Variants in ATP2B2 observed in about 807,000 individuals in gnomAD.
The protein encoded by ATP2B2 is ATPase plasma membrane Ca2+ transporting 2.
ATP2B2 carries 15 observed loss-of-function variants against 120.0 expected under a neutral mutation model. That is an observed-to-expected ratio of 0.12 (90% confidence interval 0.08 to 0.19). The LOEUF (loss-of-function observed/expected upper bound fraction) is 0.19. ATP2B2 is among the 10% of genes least tolerant of loss of function. The pLI is 1.00. For missense variants in ATP2B2, 1,045 were observed against 1,719.8 expected (o/e 0.61, Z 6.94); for synonymous variants, 694 against 700.3 (o/e 0.99, Z 0.14).
At chr3:10,391,071 G>A (rs534795450) in intron 5 of ATP2B2, among the ~76,000 whole-genome samples, 23 of 152,246 alleles carry the variant, frequency 1.5e-4, no homozygotes, top group South Asian at 1.5e-3. Flanking sequence ...GGAACACTAC[G>A]CTGCATTCAT....
rs879169121 is a variant in ATP2B2 at position 10,326,929 on chromosome 3, C to A, written c.*1885G>T. On this transcript the variant is annotated 3_prime_UTR_variant, in exon 23 of 23. Transcript: ENST00000360273. Reference sequence around the variant, plus strand: ...GAGAAGGGAAGGGGCTGGGCTGACACAGCCATCGTGAGGAGGGTCAGCATG... The same window carrying A: ...GAGAAGGGAAGGGGCTGGGCTGACAAAGCCATCGTGAGGAGGGTCAGCATG... 2.5e-6 allele frequency: 1 copy of A among 398,740 alleles called. No homozygotes were observed. The highest frequency in any genetic ancestry group is 1.3e-4 in the South Asian group (1 of 7,708). 24.7% of individuals were successfully genotyped at this position (398,740 alleles called of 1,614,324 possible).
intron 1 of ATP2B2, among the ~76,000 whole-genome samples, chr3:10,490,530 A>G (rs916105632): frequency 4.6e-5 from 7 of 151,428 alleles, no homozygotes; most frequent in African/African-American, 1.7e-4. Flanking sequence ...CCTCCTGAGT[A>G]GCTGGGACTA....
At chr3:10,702,182 T>C (rs1481975305) in intron 1 of ATP2B2, among the ~76,000 whole-genome samples, 1 of 152,202 alleles carries the variant, frequency 6.6e-6, no homozygotes, top group African/African-American at 2.4e-5. Flanking sequence ...CTGGCTTCAT[T>C]AATGAGTAGC....
At chr3:10,504,562 A>ACC (rs5846667) in intron 1 of ATP2B2, among the ~76,000 whole-genome samples, 15 of 149,292 alleles carry the variant, frequency 1.0e-4, no homozygotes, top group Non-Finnish European at 1.8e-4. Context: ...AGTCCAGAGC[A>ACC]CCCCCCCAAC....
intron 3 of ATP2B2, among the ~76,000 whole-genome samples, chr3:10,407,912 A>G (rs2062471725): frequency 6.6e-6 from 1 of 152,196 alleles, no homozygotes; most frequent in Non-Finnish European, 1.5e-5. Context: ...AAGACACTGA[A>G]GCTGAGCACA....
intron 10 of ATP2B2, among the ~76,000 whole-genome samples, chr3:10,376,275 A>G (rs1439974548): frequency 5.3e-5 from 8 of 152,170 alleles, no homozygotes; most frequent in Non-Finnish European, 1.0e-4. Flanking sequence ...GGCCAGGATG[A>G]TGTGATAGAA....
chr3:10,411,067 T>G (rs943959420), intron 2 of ATP2B2, among the ~76,000 whole-genome samples: 3 of 152,194 alleles, frequency 2.0e-5, no homozygotes, highest in African/African-American at 7.2e-5. Flanking sequence ...GAATGTGACC[T>G]CATTTGGGAA....
intron 1 of ATP2B2, among the ~76,000 whole-genome samples, chr3:10,634,626 C>A (rs1236990429): frequency 1.3e-5 from 2 of 152,208 alleles, no homozygotes; most frequent in East Asian, 3.8e-4. Context: ...TCTTTGGGAG[C>A]CTCCAGTCAT....
At chr3:10,560,940 T>C (rs990954352) in intron 2 of ATP2B2, among the ~76,000 whole-genome samples, 8 of 152,158 alleles carry the variant, frequency 5.3e-5, no homozygotes, top group African/African-American at 1.4e-4. Context: ...CCAGGACCTA[T>C]GTATGTACTA....
chr3:10,617,067 A>T (rs2069409964), intron 2 of ATP2B2, among the ~76,000 whole-genome samples: 1 of 152,240 alleles, frequency 6.6e-6, no homozygotes, highest in African/African-American at 2.4e-5. Flanking sequence ...ATATTGCCAC[A>T]ACTGACTCCC....
At chr3:10,482,146 A>C (rs2065440254) in intron 1 of ATP2B2, among the ~76,000 whole-genome samples, 1 of 152,166 alleles carries the variant, frequency 6.6e-6, no homozygotes, top group Non-Finnish European at 1.5e-5. Flanking sequence ...CTTAATGTCT[A>C]GTTGAGTGGA....
chr3:10,595,570 A>T (rs957576695), intron 2 of ATP2B2, among the ~76,000 whole-genome samples: 2 of 152,244 alleles, frequency 1.3e-5, no homozygotes, highest in Non-Finnish European at 1.5e-5. Context: ...AAAGTCACAC[A>T]GCTAAGAAAT....
At chr3:10,377,777 C>T (rs1459993162) in intron 10 of ATP2B2, among the ~76,000 whole-genome samples, 2 of 152,216 alleles carry the variant, frequency 1.3e-5, no homozygotes, top group Admixed American at 6.5e-5. Flanking sequence ...TTCCATGGCT[C>T]CCACTGTCCT....
chr3:10,483,812 C>G (rs192827642), intron 1 of ATP2B2, among the ~76,000 whole-genome samples: 8 of 152,352 alleles, frequency 5.3e-5, no homozygotes, highest in African/African-American at 1.4e-4. Context: ...GGGACTGGCC[C>G]TCTCCAGTCC....
intron 1 of ATP2B2, among the ~76,000 whole-genome samples, chr3:10,680,096 T>C (rs11708708): frequency 0.067 from 10,152 of 152,224 alleles, 386 homozygotes; most frequent in South Asian, 0.2. Flanking sequence ...GAATGAATGG[T>C]GTTGGTTACA....
chr3:10,677,994 C>G, intron 1 of ATP2B2, among the ~76,000 whole-genome samples: 1 of 152,024 alleles, frequency 6.6e-6, no homozygotes. Flanking sequence ...AACTAAGGCA[C>G]AGAGAGGATA....
chr3:10,459,160 C>T (rs1323265607), intron 1 of ATP2B2, among the ~76,000 whole-genome samples: 10 of 152,250 alleles, frequency 6.6e-5, no homozygotes, highest in Non-Finnish European at 1.3e-4. Flanking sequence ...CCGGAATTCA[C>T]CTTCTATCTG....
intron 6 of ATP2B2, among the ~76,000 whole-genome samples, chr3:10,387,404 G>A (rs906669250): frequency 3.3e-5 from 5 of 152,224 alleles, no homozygotes; most frequent in Non-Finnish European, 7.3e-5. Context: ...ACTCAGTGGG[G>A]GAGGCATCTG....
intron 2 of ATP2B2, among the ~76,000 whole-genome samples, chr3:10,441,376 A>G (rs1346352314): frequency 6.6e-6 from 1 of 152,078 alleles, no homozygotes; most frequent in Non-Finnish European, 1.5e-5. Context: ...AGTAGCTGGG[A>G]TTACAGGCGT....
Sources: allele counts gnomAD v4.1 joint callset (sites outside exome capture counted in the v4.1 genomes callset), GRCh38; gene constraint gnomAD v4.1.1; transcripts MANE v1.5; gene names NCBI Gene and HGNC (gene_info 2026-07-23, HGNC 2026-07-21).